NRXN3: variants seen among roughly 807,000 people sequenced by gnomAD.
The protein encoded by NRXN3 is neurexin 3.
NRXN3 carries 32 observed loss-of-function variants against 137.6 expected under a neutral mutation model. The observed-to-expected ratio is 0.23, with a 90% CI of 0.18 to 0.31. The LOEUF (loss-of-function observed/expected upper bound fraction) is 0.31. Among genes scored for constraint, NRXN3 ranks in the 10% least tolerant of loss-of-function variants. The pLI is 1.00. For synonymous variants in NRXN3, 798 were observed against 784.5 expected, an observed-to-expected ratio of 1.02 and a Z score of -0.29; for missense variants, 1,574 against 2,062.5, an observed-to-expected ratio of 0.76 and a Z score of 4.59.
chr14:79,420,994 G>A (rs1310197727), intron 15 of NRXN3, among the ~76,000 whole-genome samples: 2 of 152,178 alleles, frequency 1.3e-5, no homozygotes, highest in African/African-American at 4.8e-5. Context: ...AACAAGCATT[G>A]CAGGCCCCAG....
chr14:78,789,735 T>G (rs1369968657), intron 8 of NRXN3, among the ~76,000 whole-genome samples: 1 of 152,184 alleles, frequency 6.6e-6, no homozygotes, highest in Admixed American at 6.6e-5. Flanking sequence ...GTGAAAGCTG[T>G]GCTTCTACAT....
rs147591907 is a variant in NRXN3, at chr14:79,668,309, T to C, written c.3616+4360T>C. ...CTATGGTACTTATAAAACATTGCTA[T>C]AGTACTTATTGATGACCAAAATACC... On this transcript the variant is annotated intron_variant, in intron 17 of 20. Transcript: ENST00000335750. Among the ~76,000 whole-genome samples the C allele has an allele frequency of 3.0e-3, 457 of 152,240 alleles. 2 individuals carry two copies. The highest frequency in any genetic ancestry group is 0.011 in the African/African-American group (440 of 41,554).
At chr14:79,646,175 A>G (rs2098452730) in intron 16 of NRXN3, among the ~76,000 whole-genome samples, 1 of 135,672 alleles carries the variant, frequency 7.4e-6, no homozygotes, top group African/African-American at 2.5e-5. Flanking sequence ...CATTAGAGGC[A>G]GTGGTATCAT....
intron 15 of NRXN3, among the ~76,000 whole-genome samples, chr14:79,171,252 T>G (rs2061747905): frequency 6.6e-6 from 1 of 152,154 alleles, no homozygotes. Context: ...AGGAAGGAAG[T>G]GAAGAGCATT....
At position 78,571,728 on chromosome 14, in the gene NRXN3, C is replaced by T. The variant is rs560795914; in HGVS notation, c.758-73392C>T. ...ACACATTCACGCAACACAAAGTGCA[C>T]GCACATATTGGTCTTGAAATTCCCC... On this transcript the variant is annotated intron_variant, in intron 4 of 20. Transcript: ENST00000335750. Among the ~76,000 whole-genome samples the T allele has an allele frequency of 4.1e-4, 62 of 152,314 alleles. 1 individual carries two copies. Among genetic ancestry groups the T allele is most frequent in the African/African-American group, 1.3e-3 (54 of 41,572 alleles).
intron 4 of NRXN3, among the ~76,000 whole-genome samples, chr14:78,443,824 T>TA (rs2094332029): frequency 6.6e-6 from 1 of 152,220 alleles, no homozygotes; most frequent in Non-Finnish European, 1.5e-5. Flanking sequence ...TTCTCCCTCA[T>TA]ACCCATACAT....
intron 4 of NRXN3, among the ~76,000 whole-genome samples, chr14:78,498,511 C>CT (rs905904210): frequency 6.6e-6 from 1 of 152,086 alleles, no homozygotes; most frequent in Admixed American, 6.6e-5. Flanking sequence ...CAGGGCTAGT[C>CT]TTTTTGACTT....
intron 4 of NRXN3, among the ~76,000 whole-genome samples, chr14:78,357,211 CAAG>C (rs1171357610): frequency 6.6e-6 from 1 of 152,174 alleles, no homozygotes; most frequent in Non-Finnish European, 1.5e-5. Flanking sequence ...TGGGGGAAGA[CAAG>C]GAGGAGCAAG....
In NRXN3 at chr14:79,642,278, A is replaced by C. The variant is rs1000069769; in HGVS notation, c.3445-21500A>C. Among the ~76,000 whole-genome samples, 16 of 135,516 alleles carry C rather than the reference A, an allele frequency of 1.2e-4. 1 individual carries two copies. The highest frequency in any genetic ancestry group is 3.4e-4 in the African/African-American group (14 of 40,798). 88.9% of individuals were successfully genotyped at this position (135,516 alleles called of 152,430 possible). A position where few individuals can be genotyped will look rare whatever the true frequency, so the allele number is the denominator to read the frequency against. ...AGATTCTGTTCCACTTAGCGATCCTATTGAACCCCTGGCCATGTGGTATCC... is the reference window on the plus strand; with the variant it reads ...AGATTCTGTTCCACTTAGCGATCCTCTTGAACCCCTGGCCATGTGGTATCC... On this transcript the variant is annotated intron_variant, in intron 16 of 20. Coordinates refer to ENST00000335750, the MANE Select transcript of NRXN3 (RefSeq NM_001330195.2).
chr14:79,444,997 G>T (rs1182000724), intron 15 of NRXN3, among the ~76,000 whole-genome samples: 1 of 152,044 alleles, frequency 6.6e-6, no homozygotes, highest in Non-Finnish European at 1.5e-5. Context: ...ACAGCATAAA[G>T]GACTTTGAGA....
At chr14:78,236,736 C>T (rs1567041921) in intron 1 of NRXN3, among the ~76,000 whole-genome samples, 1 of 145,576 alleles carries the variant, frequency 6.9e-6, no homozygotes, top group African/African-American at 2.5e-5. Context: ...TATTCCCCCC[C>T]CCCTTTTTTT....
chr14:79,332,721 AATAG>A lies in NRXN3; in HGVS notation c.3263-134498_3263-134495del, dbSNP rs575919563. 3.8e-3 allele frequency among the ~76,000 whole-genome samples: 575 copies of A among 152,276 alleles called. 9 individuals are homozygous for A. The highest frequency in any genetic ancestry group is 3.7e-3 in the Non-Finnish European group (255 of 68,022). The stretch of plus-strand genomic sequence containing the variant: ...TCTTGTTTTCTAGGCTGCATCCCTC[AATAG>A]ACTGTGAGGTCTTTGTGAGAATACA... On this transcript the variant is annotated intron_variant, in intron 15 of 20. Coordinates refer to ENST00000335750, the MANE Select transcript of NRXN3 (RefSeq NM_001330195.2).
intron 15 of NRXN3, among the ~76,000 whole-genome samples, chr14:79,105,214 A>G (rs975809553): frequency 7.1e-4 from 108 of 152,128 alleles, no homozygotes; most frequent in Admixed American, 4.1e-3. Flanking sequence ...TAATCCACAG[A>G]CAGATCAATA....
At chr14:78,520,548 T>C (rs2096270776) in intron 4 of NRXN3, among the ~76,000 whole-genome samples, 2 of 152,276 alleles carry the variant, frequency 1.3e-5, no homozygotes, top group East Asian at 1.9e-4. Flanking sequence ...GTTGGTGGAA[T>C]AGAGTGGAAA....
chr14:78,549,988 A>G (rs2096671051), intron 4 of NRXN3, among the ~76,000 whole-genome samples: 1 of 151,958 alleles, frequency 6.6e-6, no homozygotes, highest in Non-Finnish European at 1.5e-5. Flanking sequence ...TCAACTTACT[A>G]AAGACTTTTC....
intron 4 of NRXN3, among the ~76,000 whole-genome samples, chr14:78,436,946 T>G (rs2094088742): frequency 6.6e-6 from 1 of 152,238 alleles, no homozygotes; most frequent in African/African-American, 2.4e-5. Flanking sequence ...GAGCATGAAC[T>G]CTGGCAGGTT....
chr14:79,273,523 A>G (rs2079744588), intron 15 of NRXN3, among the ~76,000 whole-genome samples: 1 of 152,004 alleles, frequency 6.6e-6, no homozygotes, highest in Non-Finnish European at 1.5e-5. Flanking sequence ...AGTCCCAGCT[A>G]CTTGGAAGGC....
chr14:78,383,585 G>A (rs1326610056), intron 4 of NRXN3, among the ~76,000 whole-genome samples: 2 of 152,146 alleles, frequency 1.3e-5, no homozygotes, highest in Non-Finnish European at 2.9e-5. Context: ...GTTTACAATA[G>A]GCATATCATC....
intron 15 of NRXN3, among the ~76,000 whole-genome samples, chr14:79,226,381 A>G (rs1447160662): frequency 6.6e-6 from 1 of 152,210 alleles, no homozygotes; most frequent in Non-Finnish European, 1.5e-5. Flanking sequence ...CATATCTTTG[A>G]TAGGCAATAA....
Sources: allele counts gnomAD v4.1 joint callset (sites outside exome capture counted in the v4.1 genomes callset), GRCh38; gene constraint gnomAD v4.1.1; transcripts MANE v1.5; gene names NCBI Gene and HGNC (gene_info 2026-07-23, HGNC 2026-07-21).